Variants in PPM1L observed in about 807,000 individuals in gnomAD.
PPM1L encodes the protein protein phosphatase, Mg2+/Mn2+ dependent 1L.
A neutral mutation model predicts 31.4 loss-of-function variants in PPM1L; 13 were observed. The ratio of observed to expected loss-of-function variants is 0.41; its 90% CI spans 0.27 to 0.66. The LOEUF is 0.66. Ranked by LOEUF, PPM1L falls within the 30% of genes least tolerant of loss-of-function variation. PPM1L has a pLI of 0.29. For missense variants in PPM1L, 326 were observed against 453.7 expected (o/e 0.72, Z 2.56); for synonymous variants, 184 against 175.4 (o/e 1.05, Z -0.39).
intron 1 of PPM1L, among the ~76,000 whole-genome samples, chr3:160,933,042 T>G (rs2108080655): frequency 6.6e-6 from 1 of 152,306 alleles, no homozygotes; most frequent in East Asian, 1.9e-4. Flanking sequence ...TTATAAGAGA[T>G]CCATGAAGGG....
At chr3:160,848,837 A>G (rs745745981) in intron 1 of PPM1L, among the ~76,000 whole-genome samples, 36 of 152,358 alleles carry the variant, frequency 2.4e-4, no homozygotes, top group Middle Eastern at 3.4e-3. Context: ...ATTTTATGAA[A>G]GTATACCATC....
chr3:160,878,633 A>G (rs73017423), intron 1 of PPM1L, among the ~76,000 whole-genome samples: 29 of 152,290 alleles, frequency 1.9e-4, no homozygotes, highest in African/African-American at 6.5e-4. Flanking sequence ...GGGTTTCATC[A>G]TATGAATTTT....
chr3:160,981,910 A>G (rs532249708), intron 2 of PPM1L, among the ~76,000 whole-genome samples: 2 of 152,046 alleles, frequency 1.3e-5, no homozygotes, highest in East Asian at 1.9e-4. Context: ...TTACAGGTGC[A>G]CACCACCACA....
At chr3:160,787,024 T>C (rs973062863) in intron 1 of PPM1L, among the ~76,000 whole-genome samples, 2 of 152,208 alleles carry the variant, frequency 1.3e-5, no homozygotes, top group African/African-American at 4.8e-5. Flanking sequence ...TCTAAGTTGA[T>C]TCCGTGTCTT....
chr3:161,042,661 A>AT (rs1410800170), intron 2 of PPM1L, among the ~76,000 whole-genome samples: 1 of 152,150 alleles, frequency 6.6e-6, no homozygotes, highest in Non-Finnish European at 1.5e-5. Flanking sequence ...AGGTAGACAT[A>AT]TTTTCCCTGG....
chr3:161,045,331 C>T (rs905322066), intron 2 of PPM1L, among the ~76,000 whole-genome samples: 7 of 152,174 alleles, frequency 4.6e-5, no homozygotes, highest in Non-Finnish European at 8.8e-5. Context: ...CTTCTCAGCA[C>T]CACATCGCAC....
intron 1 of PPM1L, among the ~76,000 whole-genome samples, chr3:160,898,737 C>T (rs6797632): frequency 6.0e-4 from 92 of 152,254 alleles, no homozygotes; most frequent in African/African-American, 2.1e-3. Flanking sequence ...ATCACTGGGG[C>T]AATGTGTGAG....
chr3:160,900,167 A>G (rs919727852), intron 1 of PPM1L, among the ~76,000 whole-genome samples: 1 of 152,160 alleles, frequency 6.6e-6, no homozygotes, highest in Non-Finnish European at 1.5e-5. Context: ...TTCAGTTTAT[A>G]TAACAGATAA....
At chr3:160,916,986 A>G (rs1476593523) in intron 1 of PPM1L, among the ~76,000 whole-genome samples, 3 of 152,216 alleles carry the variant, frequency 2.0e-5, no homozygotes, top group African/African-American at 7.2e-5. Flanking sequence ...GTGCTATTTT[A>G]TGCATTGTTC....
chr3:160,779,466 G>A (rs1488822726), intron 1 of PPM1L, among the ~76,000 whole-genome samples: 1 of 152,126 alleles, frequency 6.6e-6, no homozygotes, highest in Non-Finnish European at 1.5e-5. Context: ...GTGGAGTGCA[G>A]TGGTTAATGA....
intron 1 of PPM1L, among the ~76,000 whole-genome samples, chr3:160,824,627 G>A (rs1408922856): frequency 1.3e-5 from 2 of 152,044 alleles, no homozygotes; most frequent in Non-Finnish European, 2.9e-5. Flanking sequence ...GAGAGAATAC[G>A]GATGGATCAC....
At chr3:160,805,547 T>G (rs1712571777) in intron 1 of PPM1L, among the ~76,000 whole-genome samples, 1 of 152,042 alleles carries the variant, frequency 6.6e-6, no homozygotes, top group Non-Finnish European at 1.5e-5. Context: ...TATGGTGATA[T>G]CCTGTCTCTG....
chr3:160,923,390 A>C (rs1376798501), intron 1 of PPM1L, among the ~76,000 whole-genome samples: 2 of 152,208 alleles, frequency 1.3e-5, no homozygotes, highest in Non-Finnish European at 2.9e-5. Context: ...GCTTCATAAA[A>C]ACCATATGTG....
intron 2 of PPM1L, among the ~76,000 whole-genome samples, chr3:160,970,016 A>G (rs1158431828): frequency 6.6e-6 from 1 of 152,142 alleles, no homozygotes; most frequent in African/African-American, 2.4e-5. Flanking sequence ...GCCAAATTTT[A>G]TATCTTTTTT....
chr3:160,885,937 C>T (rs1467835199), intron 1 of PPM1L, among the ~76,000 whole-genome samples: 1 of 152,222 alleles, frequency 6.6e-6, no homozygotes, highest in African/African-American at 2.4e-5. Flanking sequence ...CTCATAACTG[C>T]CTAACACACT....
chr3:160,873,607 G>T (rs946010009), intron 1 of PPM1L, among the ~76,000 whole-genome samples: 1 of 152,036 alleles, frequency 6.6e-6, no homozygotes, highest in Admixed American at 6.6e-5. Context: ...GAGTGCAGTG[G>T]TGCAGTCTTG....
intron 2 of PPM1L, among the ~76,000 whole-genome samples, chr3:161,012,446 C>A (rs955504610): frequency 6.6e-6 from 1 of 152,000 alleles, no homozygotes; most frequent in African/African-American, 2.4e-5. Context: ...ATTTTTGCAT[C>A]AATGTTAATC....
intron 1 of PPM1L, among the ~76,000 whole-genome samples, chr3:160,825,955 C>T (rs373456344): frequency 3.9e-5 from 6 of 152,048 alleles, no homozygotes; most frequent in Non-Finnish European, 7.4e-5. Context: ...ATTTTCTAGG[C>T]GAGAGTTTGC....
chr3:160,874,190 C>G (rs183087686), intron 1 of PPM1L, among the ~76,000 whole-genome samples: 2 of 149,294 alleles, frequency 1.3e-5, no homozygotes, highest in East Asian at 3.9e-4. Flanking sequence ...ATCACTATTA[C>G]TCACCCAGAA....
Sources: gnomAD v4.1 joint callset for allele counts (sites outside exome capture counted in the v4.1 genomes callset) on GRCh38, gnomAD v4.1.1 for gene constraint, MANE v1.5 for transcripts, NCBI Gene and HGNC (gene_info 2026-07-23, HGNC 2026-07-21) for gene names.